The following MEI1 variants were observed in gnomAD, a reference collection of about 807,000 sequenced individuals.
MEI1 encodes meiosis inhibitor protein 1.
Under a neutral mutation model 146.2 loss-of-function variants are expected in MEI1, and 103 were observed. The observed-to-expected ratio is 0.70, with a 90% CI of 0.60 to 0.83. The LOEUF is 0.83. Among genes scored for constraint, MEI1 ranks in the 40% least tolerant of loss-of-function variants. MEI1 has a pLI of 0.00. For missense variants in MEI1, 1,529 were observed against 1,533.0 expected (o/e 1.00, Z 0.04); for synonymous variants, 652 against 628.2 (o/e 1.04, Z -0.57).
Position 41,730,183 on chromosome 22 carries a change from G to A in MEI1, c.980-338G>A, listed in dbSNP as rs1357435957. Among the ~76,000 whole-genome samples the A allele has an allele frequency of 5.3e-5, 8 of 152,276 alleles. No individual in the cohort carries two copies. The East Asian group carries it at 1.5e-3, about 29-fold the overall frequency. ...GTCATTGGCAGAGATGGGATAAAAA[G>A]TCAAGTCTCTCTGACTCTAAAAACT... On this transcript the variant is annotated intron_variant, in intron 8 of 30. Coordinates refer to ENST00000401548, the MANE Select transcript of MEI1 (RefSeq NM_152513.4).
intron 11 of MEI1, 27 bp downstream of exon 11, chr22:41,732,630 T>A (rs1368879791): frequency 2.7e-5 from 44 of 1,607,722 alleles, no homozygotes; most frequent in Non-Finnish European, 3.7e-5. Context: ...GGCTGAACTT[T>A]CCATCCCTGC....
chr22:41,699,526 G>A lies in MEI1; in HGVS notation c.-13G>A, dbSNP rs1009590237. ...GGGAAAGAGTGCCGCCTCAGCTGAG[G>A]GCAAGCGAGGAGATGGCTGTGAGGC... On this transcript the variant is annotated 5_prime_UTR_variant, in exon 1 of 31. Coordinates refer to ENST00000401548, the MANE Select transcript of MEI1 (RefSeq NM_152513.4). 1 of 1,604,620 alleles carries A rather than the reference G, an allele frequency of 6.2e-7. No individual in the cohort carries two copies.
At chr22:41,775,588 C>T (rs2075395525) in intron 20 of MEI1, among the ~76,000 whole-genome samples, 1 of 150,886 alleles carries the variant, frequency 6.6e-6, no homozygotes, top group African/African-American at 2.5e-5. Context: ...ATAGGATGGA[C>T]CTATTCTTTT....
In MEI1 at chr22:41,743,106, T is replaced by A; in HGVS notation, c.1358T>A (p.Val453Glu). ...LRKDHQSTPP[V>E]QYGELQALLE... The stretch of plus-strand genomic sequence containing the variant: ...AAGGACCATCAGAGCACTCCACCTG[T>A]GCAGTATGGGGAACTGCAGGCTTTG... Residue 453 changes from valine to glutamate, a missense_variant, in exon 12 of 31, where the codon GTG becomes GAG. By Grantham distance (121) the Val-to-Glu change is moderately radical (BLOSUM62 -2). Transcript: ENST00000401548. 6.2e-7 allele frequency: 1 copy of A among 1,613,148 alleles called. No homozygotes were observed. The highest frequency in any genetic ancestry group is 8.5e-7 in the Non-Finnish European group (1 of 1,179,670).
At chr22:41,737,824 A>G (rs542720373) in intron 11 of MEI1, among the ~76,000 whole-genome samples, 11 of 152,252 alleles carry the variant, frequency 7.2e-5, no homozygotes, top group South Asian at 4.1e-4. Context: ...TCAATATGCG[A>G]ATGTAGGATG....
chr22:41,771,274 A>T (rs2075168413), intron 20 of MEI1, among the ~76,000 whole-genome samples: 1 of 152,204 alleles, frequency 6.6e-6, no homozygotes. Flanking sequence ...TCATCTCTCA[A>T]GCAGATTCTG....
chr22:41,768,615 G>A (rs1027492523), intron 19 of MEI1, among the ~76,000 whole-genome samples: 9 of 152,126 alleles, frequency 5.9e-5, no homozygotes, highest in African/African-American at 2.2e-4. Flanking sequence ...GAGGTCTCAG[G>A]AATCTTACAG....
At chr22:41,779,097 G>A (rs369369157) in intron 22 of MEI1, among the ~76,000 whole-genome samples, 2 of 152,046 alleles carry the variant, frequency 1.3e-5, no homozygotes, top group African/African-American at 4.8e-5. Context: ...GTTTGAGGCC[G>A]GAGGATTGTT....
At position 41,718,162 on chromosome 22, in the gene MEI1, C is replaced by G; in HGVS notation, c.621C>G (p.Ser207=). ...SVCYLYGKLY[S]SPVAAEMLSG... is the part of the protein sequence containing the mutation. Reference sequence around the variant, plus strand: ...GTTACCTTTATGGGAAGCTATACTCCTCACCAGTGGCAGCTGAGATGCTTT... The same window carrying G: ...GTTACCTTTATGGGAAGCTATACTCGTCACCAGTGGCAGCTGAGATGCTTT... The change falls in exon 6 of 31, where the codon TCC becomes TCG. Residue 207 remains serine (S), a synonymous_variant. Coordinates refer to ENST00000401548, the MANE Select transcript of MEI1 (RefSeq NM_152513.4). The G allele has an allele frequency of 1.2e-6, 2 of 1,613,944 alleles. No homozygotes were observed. Among genetic ancestry groups the G allele is most frequent in the Non-Finnish European group, 1.7e-6 (2 of 1,179,886 alleles).
chr22:41,772,531 A>C (rs1329969548), intron 20 of MEI1, among the ~76,000 whole-genome samples: 1 of 152,206 alleles, frequency 6.6e-6, no homozygotes, highest in African/African-American at 2.4e-5. Context: ...CATGTTGCCC[A>C]AGCTGGTCTC....
At chr22:41,756,726 G>T (rs996662547) in intron 17 of MEI1, among the ~76,000 whole-genome samples, 5 of 152,190 alleles carry the variant, frequency 3.3e-5, no homozygotes, top group African/African-American at 1.2e-4. Flanking sequence ...CACCTGCCTT[G>T]GTTTCCCAAA....
intron 6 of MEI1, among the ~76,000 whole-genome samples, chr22:41,721,573 T>G (rs1043189285): frequency 1.4e-5 from 2 of 142,432 alleles, no homozygotes; most frequent in Non-Finnish European, 3.1e-5. Context: ...AATTTTTTTT[T>G]GTAGAGTCTG....
At chr22:41,702,557 T>G (rs1318638458) in intron 1 of MEI1, among the ~76,000 whole-genome samples, 2 of 151,876 alleles carry the variant, frequency 1.3e-5, no homozygotes, top group African/African-American at 4.8e-5. Flanking sequence ...GTGATTCTCC[T>G]GCCTCAGCCT....
In MEI1 at chr22:41,795,616, AG is replaced by A. The variant is rs1274377044; in HGVS notation, c.3666+75del. The A allele has an allele frequency of 6.2e-7, 1 of 1,601,444 alleles. No individual in the cohort carries two copies. Among genetic ancestry groups the A allele is most frequent in the Non-Finnish European group, 8.5e-7 (1 of 1,171,976 alleles). ...ACACCATCTTCTCTTGGAGGGTGGGAGCTCTGGCCACAGCAACCAAGGAATG... is the reference window on the plus strand; with the variant it reads ...ACACCATCTTCTCTTGGAGGGTGGGACTCTGGCCACAGCAACCAAGGAATG... On this transcript the variant is annotated intron_variant, in intron 29 of 30. Coordinates refer to ENST00000401548, the MANE Select transcript of MEI1 (RefSeq NM_152513.4). This position sits in a 1 kb window ranked among gnomAD's most constrained non-coding sequence, Gnocchi z 4.2.
chr22:41,730,421 C>A (rs2071753562), intron 8 of MEI1, 100 bp from the exon 9 acceptor site: 1 of 746,396 alleles, frequency 1.3e-6, no homozygotes, highest in African/African-American at 1.7e-5. Context: ...GATGAAGTAG[C>A]AAGAGTAAGG....
At chr22:41,714,785 G>A (rs1050657925) in intron 4 of MEI1, among the ~76,000 whole-genome samples, 1 of 152,018 alleles carries the variant, frequency 6.6e-6, no homozygotes. Context: ...GGAGGCTGAG[G>A]CAGGGGAATT....
intron 11 of MEI1, among the ~76,000 whole-genome samples, chr22:41,737,822 C>G (rs1405181832): frequency 2.0e-5 from 3 of 151,884 alleles, no homozygotes; most frequent in Non-Finnish European, 4.4e-5. Context: ...AGTCAATATG[C>G]GAATGTAGGA....
intron 21 of MEI1, among the ~76,000 whole-genome samples, chr22:41,777,470 T>C (rs900875939): frequency 2.6e-5 from 4 of 152,192 alleles, no homozygotes; most frequent in African/African-American, 9.7e-5. Flanking sequence ...ATTATATTTC[T>C]AAGCAAAGCG....
rs369144000 is a variant in MEI1 at position 41,699,652 on chromosome 22, C to T, written c.114C>T (p.Pro38=). The T allele has an allele frequency of 6.7e-5, 107 of 1,590,126 alleles. No individual in the cohort carries two copies. Among genetic ancestry groups the T allele is most frequent in the Non-Finnish European group, 9.4e-6 (11 of 1,168,308 alleles). ...HYRHDPRWLL[P]VTPRLCLACA... ...GGCACGACCCGCGCTGGCTGCTGCC[C>T]GTGACCCCCCGCCTGTGCCTGGCCT... Residue 38 remains proline (P), a synonymous_variant, in exon 1 of 31, where the codon CCC becomes CCT. Coordinates refer to ENST00000401548, the MANE Select transcript of MEI1 (RefSeq NM_152513.4).
Sources: allele counts gnomAD v4.1 joint callset (sites outside exome capture counted in the v4.1 genomes callset), GRCh38; gene constraint gnomAD v4.1.1; non-coding constraint Gnocchi (gnomAD v3.1); transcripts MANE v1.5; gene names NCBI Gene and HGNC (gene_info 2026-07-23, HGNC 2026-07-21).